The following RSU1 variants were observed in gnomAD, a reference collection of about 807,000 sequenced individuals.
RSU1 encodes rsu-1.
Under a neutral mutation model 31.1 loss-of-function variants are expected in RSU1, and 26 were observed. The observed-to-expected ratio is 0.84, with a 90% confidence interval of 0.61 to 1.16. The LOEUF is 1.16. RSU1 is among the 50% of genes most tolerant of loss of function. RSU1 has a pLI of 0.00. For missense variants in RSU1, 320 were observed against 339.1 expected (o/e 0.94, Z 0.44); for synonymous variants, 164 against 136.3 (o/e 1.20, Z -1.41).
Position 16,797,661 on chromosome 10 carries a change from A to G in RSU1, c.110-15577T>C, listed in dbSNP as rs146561738. The stretch of plus-strand genomic sequence containing the variant: ...AAACAAGGTAAAAAGCCATTACAAC[A>G]ATGATACATGACACAAAACAGAAAC... On this transcript the variant is annotated intron_variant, in intron 2 of 8. Transcript: ENST00000345264. Among the ~76,000 whole-genome samples, 71 of 152,298 alleles carry G rather than the reference A, an allele frequency of 4.7e-4. No individual in the cohort carries two copies. The East Asian group carries it at 0.011, about 24-fold the overall frequency.
intron 8 of RSU1, among the ~76,000 whole-genome samples, chr10:16,643,149 T>C (rs1179586182): frequency 6.6e-6 from 1 of 152,214 alleles, no homozygotes; most frequent in Non-Finnish European, 1.5e-5. Flanking sequence ...TAATACAGTA[T>C]ATGAACTCAG....
chr10:16,759,333 A>G (rs1189179384), intron 4 of RSU1, among the ~76,000 whole-genome samples: 2 of 150,718 alleles, frequency 1.3e-5, no homozygotes, highest in African/African-American at 4.9e-5. Context: ...AAACCCGTCT[A>G]TACCAAAAAA....
chr10:16,711,893 G>C (rs556620621), intron 7 of RSU1, among the ~76,000 whole-genome samples: 1 of 152,258 alleles, frequency 6.6e-6, no homozygotes, highest in East Asian at 1.9e-4. Context: ...TCTGCTAGGT[G>C]CATTAGGTCT....
intron 8 of RSU1, among the ~76,000 whole-genome samples, chr10:16,622,005 A>C (rs1252691147): frequency 6.6e-6 from 1 of 152,192 alleles, no homozygotes; most frequent in South Asian, 2.1e-4. Context: ...GCCTTGCTTG[A>C]GGGAATGGAT....
chr10:16,692,167 C>T lies in RSU1; in HGVS notation c.731+2856G>A, dbSNP rs147288300. Reference sequence around the variant, plus strand: ...CACATTGCTTAGACTACGCCAACCCCCCAAAATAGGATGCTAATAACAGAC... The same window carrying T: ...CACATTGCTTAGACTACGCCAACCCTCCAAAATAGGATGCTAATAACAGAC... On this transcript the variant is annotated intron_variant, in intron 8 of 8. Coordinates refer to ENST00000345264, the MANE Select transcript of RSU1 (RefSeq NM_012425.4). Among the ~76,000 whole-genome samples, 1,403 of 152,224 alleles carry T rather than the reference C, an allele frequency of 9.2e-3. 18 individuals are homozygous for T. Among genetic ancestry groups the T allele is most frequent in the African/African-American group, 0.031 (1,273 of 41,528 alleles).
At chr10:16,663,649 T>C (rs1385033826) in intron 8 of RSU1, among the ~76,000 whole-genome samples, 1 of 152,138 alleles carries the variant, frequency 6.6e-6, no homozygotes, top group African/African-American at 2.4e-5. Context: ...TACAACTACA[T>C]GTGTCGTCAG....
intron 8 of RSU1, among the ~76,000 whole-genome samples, chr10:16,604,498 C>A (rs984357559): frequency 2.0e-5 from 3 of 152,168 alleles, no homozygotes; most frequent in Non-Finnish European, 4.4e-5. Context: ...GCGATCCACA[C>A]CTGCACGGTC....
chr10:16,687,919 A>T (rs560947039), intron 8 of RSU1, among the ~76,000 whole-genome samples: 1 of 151,978 alleles, frequency 6.6e-6, no homozygotes, highest in South Asian at 2.1e-4. Context: ...ACGAAGTCTC[A>T]CTATGTTGCC....
chr10:16,693,868 A>T (rs550655399), intron 8 of RSU1, among the ~76,000 whole-genome samples: 82 of 152,232 alleles, frequency 5.4e-4, no homozygotes, highest in African/African-American at 1.9e-3. Context: ...CTCTTAAAAA[A>T]AATTAATTAA....
At chr10:16,614,514 G>T (rs1833943575) in intron 8 of RSU1, among the ~76,000 whole-genome samples, 1 of 152,060 alleles carries the variant, frequency 6.6e-6, no homozygotes, top group Non-Finnish European at 1.5e-5. Context: ...AGTATCAATG[G>T]ATTGTTTGTA....
chr10:16,695,037 A>C lies in RSU1; in HGVS notation c.717T>G (p.Ser239=). The C allele has an allele frequency of 6.2e-7, 1 of 1,613,312 alleles. No individual in the cohort carries two copies. Among genetic ancestry groups the C allele is most frequent in the Non-Finnish European group, 8.5e-7 (1 of 1,179,570 alleles). ...GVSHVFEYIR[S]ETYKYLYGRH... The stretch of plus-strand genomic sequence containing the variant: ...AGTCTACTTACTATTTGTATGTCTC[A>C]GAACGGATATACTCAAAAACATGGG... The change falls in exon 8 of 9, where the codon TCT becomes TCG. Residue 239 remains serine, a synonymous_variant. Coordinates refer to ENST00000345264, the MANE Select transcript of RSU1 (RefSeq NM_012425.4).
intron 8 of RSU1, among the ~76,000 whole-genome samples, chr10:16,595,740 A>C (rs1196189028): frequency 6.6e-6 from 1 of 152,090 alleles, no homozygotes; most frequent in Non-Finnish European, 1.5e-5. Flanking sequence ...AGGGTAAGGC[A>C]GGCAGATCAC....
At chr10:16,770,259 G>A (rs2131636741) in intron 3 of RSU1, among the ~76,000 whole-genome samples, 1 of 152,146 alleles carries the variant, frequency 6.6e-6, no homozygotes, top group Middle Eastern at 3.4e-3. Flanking sequence ...AAAAACATAA[G>A]GACAGGAGCT....
intron 8 of RSU1, among the ~76,000 whole-genome samples, chr10:16,620,985 C>T (rs1428365119): frequency 6.6e-6 from 1 of 152,022 alleles, no homozygotes; most frequent in Non-Finnish European, 1.5e-5. Flanking sequence ...TAAAAAATTC[C>T]CTTGCAGTGT....
At chr10:16,671,254 G>A (rs1438809496) in intron 8 of RSU1, among the ~76,000 whole-genome samples, 1 of 152,062 alleles carries the variant, frequency 6.6e-6, no homozygotes, top group African/African-American at 2.4e-5. Flanking sequence ...TGTTGTCCAG[G>A]CTAGTCTCGG....
At chr10:16,806,832 G>C (rs2488348) in intron 2 of RSU1, among the ~76,000 whole-genome samples, 1 of 151,994 alleles carries the variant, frequency 6.6e-6, no homozygotes, top group Non-Finnish European at 1.5e-5. Flanking sequence ...TAGCCCACTG[G>C]AGCCTCTACC....
At chr10:16,618,061 G>A (rs1834008840) in intron 8 of RSU1, among the ~76,000 whole-genome samples, 1 of 152,190 alleles carries the variant, frequency 6.6e-6, no homozygotes, top group African/African-American at 2.4e-5. Flanking sequence ...TCAAATGGGA[G>A]AAAATTTTTG....
chr10:16,641,567 G>A (rs1266725077), intron 8 of RSU1, among the ~76,000 whole-genome samples: 3 of 152,056 alleles, frequency 2.0e-5, no homozygotes, highest in Non-Finnish European at 4.4e-5. Flanking sequence ...GTTGTTGTAA[G>A]TACATCTTTA....
intron 3 of RSU1, among the ~76,000 whole-genome samples, chr10:16,773,511 G>A (rs763626169): frequency 3.9e-5 from 6 of 152,292 alleles, no homozygotes; most frequent in South Asian, 2.1e-4. Context: ...CTGACCTAAC[G>A]GGACGTCAAG....
Sources: allele counts gnomAD v4.1 joint callset (sites outside exome capture counted in the v4.1 genomes callset), GRCh38; gene constraint gnomAD v4.1.1; transcripts MANE v1.5; gene names NCBI Gene and HGNC (gene_info 2026-07-23, HGNC 2026-07-21).